TTC28: variants seen among roughly 807,000 people sequenced by gnomAD.
TTC28 encodes tetratricopeptide repeat domain 28.
Under a neutral mutation model 198.0 loss-of-function variants are expected in TTC28, and 61 were observed. The observed-to-expected ratio is 0.31, with a 90% confidence interval of 0.25 to 0.38. The LOEUF (loss-of-function observed/expected upper bound fraction) is 0.38. Ranked by LOEUF, TTC28 falls within the 10% of genes least tolerant of loss-of-function variation. TTC28 has a pLI of 1.00. For synonymous variants in TTC28, 1,171 were observed against 1,297.8 expected (o/e 0.90, Z 2.10); for missense variants, 2,678 against 3,164.0 (o/e 0.85, Z 3.69).
intron 2 of TTC28, among the ~76,000 whole-genome samples, chr22:28,614,295 A>G (rs1569060826): frequency 6.6e-6 from 1 of 152,108 alleles, no homozygotes. Context: ...AAATAACAGA[A>G]GACACAAATA....
intron 2 of TTC28, among the ~76,000 whole-genome samples, chr22:28,611,022 A>G (rs2050809561): frequency 6.6e-6 from 1 of 152,196 alleles, no homozygotes; most frequent in Non-Finnish European, 1.5e-5. Flanking sequence ...AAGATTAGAG[A>G]AAAAAGAAGG....
intron 5 of TTC28, among the ~76,000 whole-genome samples, chr22:28,217,710 T>G (rs979600572): frequency 2.0e-5 from 3 of 152,222 alleles, no homozygotes; most frequent in Non-Finnish European, 4.4e-5. Flanking sequence ...ATTTATATAC[T>G]TAATAAGTAC....
At chr22:28,142,127 G>A (rs959107894) in intron 6 of TTC28, among the ~76,000 whole-genome samples, 1 of 152,184 alleles carries the variant, frequency 6.6e-6, no homozygotes, top group African/African-American at 2.4e-5. Context: ...TTCTCCCTGG[G>A]AAGGTAAAAC....
intron 1 of TTC28, among the ~76,000 whole-genome samples, chr22:28,655,711 C>T (rs71327311): frequency 1.2e-3 from 177 of 152,152 alleles, no homozygotes; most frequent in Non-Finnish European, 1.9e-3. Flanking sequence ...CTTAGCCAGG[C>T]GCCGTGGCGG....
rs185916408 is a variant in TTC28 at position 28,011,538 on chromosome 22, G to A, written c.4218+2710C>T. 1.5e-4 allele frequency among the ~76,000 whole-genome samples: 23 copies of A among 152,310 alleles called. No homozygotes were observed. The East Asian group carries it at 3.5e-3, about 23-fold the overall frequency. On this transcript the variant is annotated intron_variant, in intron 14 of 22. Transcript: ENST00000397906. ...TTGAGCCTGGGAGGTCGAGGCTGCA[G>A]TGAGCTATGATCACTGCCACTGCAT...
chr22:28,621,739 T>G (rs1330563498), intron 2 of TTC28, among the ~76,000 whole-genome samples: 1 of 113,858 alleles, frequency 8.8e-6, no homozygotes, highest in East Asian at 2.3e-4. Flanking sequence ...CAAGACTGTC[T>G]CTTAAAAAAA....
chr22:28,349,534 AC>A (rs2145927603), intron 2 of TTC28, among the ~76,000 whole-genome samples: 1 of 152,322 alleles, frequency 6.6e-6, no homozygotes, highest in East Asian at 1.9e-4. Context: ...GACTGAAGTT[AC>A]AGAAAAAGAG....
At chr22:28,575,845 T>C (rs369128661) in intron 2 of TTC28, among the ~76,000 whole-genome samples, 1 of 152,188 alleles carries the variant, frequency 6.6e-6, no homozygotes, top group African/African-American at 2.4e-5. Context: ...GATTTTTGTA[T>C]GTTTATTTTG....
At chr22:28,487,602 G>A (rs188186414) in intron 2 of TTC28, among the ~76,000 whole-genome samples, 14 of 152,096 alleles carry the variant, frequency 9.2e-5, no homozygotes, top group African/African-American at 2.6e-4. Flanking sequence ...TATTCTTGCC[G>A]TGTCCATTTC....
intron 5 of TTC28, among the ~76,000 whole-genome samples, chr22:28,289,815 C>T (rs2044753805): frequency 6.6e-6 from 1 of 152,174 alleles, no homozygotes. Context: ...CACCTGAGAT[C>T]AGGAGATCGA....
chr22:28,673,969 A>G (rs2051932919), intron 1 of TTC28, among the ~76,000 whole-genome samples: 1 of 152,200 alleles, frequency 6.6e-6, no homozygotes, highest in Non-Finnish European at 1.5e-5. Flanking sequence ...ATGAAAAAAT[A>G]TTGTTTCTGC....
intron 2 of TTC28, among the ~76,000 whole-genome samples, chr22:28,506,841 TAAAAG>T (rs1361566060): frequency 3.9e-5 from 6 of 151,926 alleles, no homozygotes; most frequent in African/African-American, 1.5e-4. Context: ...GTCTATCTGT[TAAAAG>T]AAAAACAAAC....
At chr22:28,351,946 C>T (rs1436742290) in intron 2 of TTC28, among the ~76,000 whole-genome samples, 1 of 152,046 alleles carries the variant, frequency 6.6e-6, no homozygotes, top group Non-Finnish European at 1.5e-5. Flanking sequence ...TACTTACCTC[C>T]CTCTTTGGAT....
intron 5 of TTC28, among the ~76,000 whole-genome samples, chr22:28,288,849 A>G (rs1057053867): frequency 7.2e-5 from 11 of 152,002 alleles, no homozygotes; most frequent in Middle Eastern, 3.4e-3. Context: ...TTTAGGTCAC[A>G]TGGTAATAAA....
intron 1 of TTC28, among the ~76,000 whole-genome samples, chr22:28,655,005 G>T (rs1263199397): frequency 6.6e-6 from 1 of 152,126 alleles, no homozygotes; most frequent in Non-Finnish European, 1.5e-5. Flanking sequence ...ATTAAATATG[G>T]TTAGTTCATA....
chr22:28,527,708 T>A (rs1339872659), intron 2 of TTC28, among the ~76,000 whole-genome samples: 1 of 152,144 alleles, frequency 6.6e-6, no homozygotes, highest in African/African-American at 2.4e-5. Flanking sequence ...CAAACACAGC[T>A]CACTGCAGCC....
intron 5 of TTC28, among the ~76,000 whole-genome samples, chr22:28,253,379 T>C (rs1381281362): frequency 6.6e-6 from 1 of 152,222 alleles, no homozygotes; most frequent in Non-Finnish European, 1.5e-5. Context: ...AGACTGCAAA[T>C]TGCCTAAATC....
At chr22:27,996,019 C>T (rs1937545170) in intron 17 of TTC28, 116 bp downstream of exon 17, 4 of 1,423,032 alleles carry the variant, frequency 2.8e-6, no homozygotes, top group Non-Finnish European at 3.7e-6. Context: ...TGGACACGGC[C>T]CCAATCACGG....
chr22:28,644,157 T>A (rs923164654), intron 1 of TTC28, among the ~76,000 whole-genome samples: 2 of 151,658 alleles, frequency 1.3e-5, no homozygotes, highest in African/African-American at 4.8e-5. Flanking sequence ...CCCAGCACTT[T>A]GGGAGGCCGA....
Sources: gnomAD v4.1 joint callset for allele counts (sites outside exome capture counted in the v4.1 genomes callset) on GRCh38, gnomAD v4.1.1 for gene constraint, MANE v1.5 for transcripts, NCBI Gene and HGNC (gene_info 2026-07-23, HGNC 2026-07-21) for gene names.